The following PLCG2 variants were observed in gnomAD, a reference collection of about 807,000 sequenced individuals.
PLCG2 encodes the protein phospholipase C gamma 2, also known as 1-phosphatidylinositol 4,5-bisphosphate phosphodiesterase gamma-2.
PLCG2 carries 69 observed loss-of-function variants against 175.6 expected under a neutral mutation model. That is an observed-to-expected ratio of 0.39 (90% CI 0.32 to 0.48). The LOEUF is 0.48. Ranked by LOEUF, PLCG2 falls within the 20% of genes least tolerant of loss-of-function variation. The pLI is 0.91. For synonymous variants in PLCG2, 827 were observed against 624.0 expected (o/e 1.33, Z -4.85); for missense variants, 1,798 against 1,650.9 (o/e 1.09, Z -1.54).
intron 31 of PLCG2, among the ~76,000 whole-genome samples, chr16:81,948,746 T>G (rs1369617833): frequency 6.6e-6 from 1 of 152,186 alleles, no homozygotes; most frequent in Non-Finnish European, 1.5e-5. Context: ...GTTGGTCAGT[T>G]TGCCTAATGC....
chr16:81,889,693 C>T (rs1908540824), intron 10 of PLCG2, among the ~76,000 whole-genome samples: 1 of 152,090 alleles, frequency 6.6e-6, no homozygotes, highest in Non-Finnish European at 1.5e-5. Flanking sequence ...CTCAGTCTGT[C>T]ACCCAGCCTG....
chr16:81,909,434 T>C (rs944224737), intron 17 of PLCG2, among the ~76,000 whole-genome samples: 3 of 152,146 alleles, frequency 2.0e-5, no homozygotes, highest in African/African-American at 7.2e-5. Flanking sequence ...TAAAAAAAAA[T>C]TGTGATAGGG....
chr16:81,854,713 TC>T, intron 3 of PLCG2, 126 bp downstream of exon 3: 1 of 837,268 alleles, frequency 1.2e-6, no homozygotes, highest in Non-Finnish European at 1.9e-6. Context: ...TGGTTTTGAA[TC>T]CCAGCCCTGC....
chr16:81,785,540 G>C (rs1464469025), intron 1 of PLCG2, among the ~76,000 whole-genome samples: 1 of 151,386 alleles, frequency 6.6e-6, no homozygotes, highest in Non-Finnish European at 1.5e-5. Context: ...GGAATAAAGA[G>C]ATGGTTAGAA....
At chr16:81,880,027 G>T (rs1285343600) in intron 7 of PLCG2, among the ~76,000 whole-genome samples, 1 of 152,162 alleles carries the variant, frequency 6.6e-6, no homozygotes, top group Admixed American at 6.5e-5. Flanking sequence ...ATCTCTTGAG[G>T]CCAGGAGTTC....
At chr16:81,865,620 C>T (rs2143513993) in intron 5 of PLCG2, among the ~76,000 whole-genome samples, 1 of 152,328 alleles carries the variant, frequency 6.6e-6, no homozygotes, top group Non-Finnish European at 1.5e-5. Context: ...GGGATGGTTC[C>T]TTTGCCCTGC....
At chr16:81,955,876 T>A (rs1911547509) in intron 31 of PLCG2, among the ~76,000 whole-genome samples, 1 of 152,234 alleles carries the variant, frequency 6.6e-6, no homozygotes. Context: ...TTATGATACC[T>A]TGGCTTTTTT....
chr16:81,851,475 G>A (rs573683157), intron 2 of PLCG2, among the ~76,000 whole-genome samples: 2 of 152,272 alleles, frequency 1.3e-5, no homozygotes, highest in South Asian at 2.1e-4. Context: ...TGTAGATGAC[G>A]TGCTGTTTTT....
At chr16:81,868,764 C>A (rs1046656546) in intron 5 of PLCG2, among the ~76,000 whole-genome samples, 2 of 152,268 alleles carry the variant, frequency 1.3e-5, no homozygotes, top group African/African-American at 4.8e-5. Context: ...ACATCATTTT[C>A]TGCCCACACT....
chr16:81,843,548 C>T (rs966248204), intron 2 of PLCG2, among the ~76,000 whole-genome samples: 1 of 152,194 alleles, frequency 6.6e-6, no homozygotes, highest in African/African-American at 2.4e-5. Context: ...AATCAGCCTA[C>T]CAATATTTTT....
chr16:81,832,104 G>GT (rs1905283717), intron 2 of PLCG2, among the ~76,000 whole-genome samples: 1 of 151,190 alleles, frequency 6.6e-6, no homozygotes, highest in African/African-American at 2.4e-5. Flanking sequence ...TTGATAAATG[G>GT]AGGGGGGGAA....
At chr16:81,848,407 G>A (rs990943339) in intron 2 of PLCG2, among the ~76,000 whole-genome samples, 4 of 152,128 alleles carry the variant, frequency 2.6e-5, no homozygotes, top group Admixed American at 6.5e-5. Context: ...GGGGGTGTGC[G>A]GATGTGCAGG....
At position 81,758,053 on chromosome 16, in the gene PLCG2, G is replaced by T. The variant is rs558780226; in HGVS notation, c.-48+2087G>T. Among the ~76,000 whole-genome samples the T allele has an allele frequency of 5.3e-5, 8 of 152,312 alleles. No homozygotes were observed. In the East Asian group the frequency reaches 1.5e-3, roughly 29 times the overall value. Reference sequence around the variant, plus strand: ...CGCAGTGGTGTGATCTCAGCTCTCTGCAGCTTCCACCTCACGGGCTCAAGC... The same window carrying T: ...CGCAGTGGTGTGATCTCAGCTCTCTTCAGCTTCCACCTCACGGGCTCAAGC... On this transcript the variant is annotated intron_variant, in intron 2 of 5. Coordinates refer to the PLCG2 transcript ENST00000565054.
At chr16:81,755,337 C>G (rs1416694098) in intron 1 of PLCG2, among the ~76,000 whole-genome samples, 1 of 151,192 alleles carries the variant, frequency 6.6e-6, no homozygotes, top group African/African-American at 2.4e-5. Flanking sequence ...GCTGGGGCTA[C>G]AGGCATGCAC....
chr16:81,869,039 T>C (rs1432940815), intron 5 of PLCG2, among the ~76,000 whole-genome samples, 175 bp from the exon 6 acceptor site: 1 of 152,268 alleles, frequency 6.6e-6, no homozygotes, highest in Non-Finnish European at 1.5e-5. Context: ...CCTTGCTCAT[T>C]GAAGTGTCAC....
intron 2 of PLCG2, among the ~76,000 whole-genome samples, chr16:81,812,279 G>C (rs1904353587): frequency 6.6e-6 from 1 of 151,910 alleles, no homozygotes; most frequent in South Asian, 2.1e-4. Context: ...TTGATCTCCT[G>C]ACCTCGTGAT....
chr16:81,948,646 G>A (rs1911246612), intron 31 of PLCG2, among the ~76,000 whole-genome samples: 1 of 152,202 alleles, frequency 6.6e-6, no homozygotes, highest in Non-Finnish European at 1.5e-5. Flanking sequence ...GCACTGAGCT[G>A]GTCCTGGTTT....
intron 13 of PLCG2, chr16:81,898,509 G>T (rs1908996794): frequency 6.6e-6 from 1 of 152,184 alleles, no homozygotes; most frequent in Non-Finnish European, 1.5e-5. Context: ...ACTTGAGCTG[G>T]AACATGGTTA....
At chr16:81,951,990 C>T (rs4889448) in intron 31 of PLCG2, among the ~76,000 whole-genome samples, 90,865 of 151,836 alleles carry the variant, frequency 0.6, 28,141 homozygotes, top group East Asian at 0.78. Flanking sequence ...ATTTATTGAA[C>T]GTAACCACTT....
Sources: allele counts gnomAD v4.1 joint callset (sites outside exome capture counted in the v4.1 genomes callset), GRCh38; gene constraint gnomAD v4.1.1; transcripts MANE v1.5; gene names NCBI Gene and HGNC (gene_info 2026-07-23, HGNC 2026-07-21).